The following CNTNAP2 variants were observed in gnomAD, a reference collection of about 807,000 sequenced individuals.
CNTNAP2 encodes contactin-associated protein-like 2.
In CNTNAP2, 98 loss-of-function variants were observed where a neutral mutation model predicts 155.2. That is an observed-to-expected ratio of 0.63 (90% CI 0.54 to 0.75). CNTNAP2 has a LOEUF of 0.75. CNTNAP2 is among the 30% of genes least tolerant of loss of function. The pLI is 0.00. For missense variants in CNTNAP2, 1,727 were observed against 1,688.1 expected (o/e 1.02, Z -0.40); for synonymous variants, 651 against 631.2 (o/e 1.03, Z -0.47).
At chr7:147,545,894 C>T (rs992706315) in intron 11 of CNTNAP2, among the ~76,000 whole-genome samples, 6 of 152,148 alleles carry the variant, frequency 3.9e-5, no homozygotes, top group Non-Finnish European at 7.3e-5. Context: ...ATACTATTCT[C>T]GTGGTAGTGA....
intron 1 of CNTNAP2, among the ~76,000 whole-genome samples, chr7:146,645,644 A>T (rs973692896): frequency 6.6e-6 from 1 of 152,132 alleles, no homozygotes; most frequent in African/African-American, 2.4e-5. Flanking sequence ...CTTGACTGAG[A>T]TATATTTATT....
At chr7:148,111,510 A>G (rs7779177) in intron 15 of CNTNAP2, among the ~76,000 whole-genome samples, 4,890 of 151,864 alleles carry the variant, frequency 0.032, 282 homozygotes, top group East Asian at 0.28. Context: ...ACACAAAGGA[A>G]AAAGATCAAA....
At chr7:147,602,527 T>G (rs982938746) in intron 12 of CNTNAP2, among the ~76,000 whole-genome samples, 4 of 151,724 alleles carry the variant, frequency 2.6e-5, no homozygotes, top group African/African-American at 9.7e-5. Context: ...TTAGGGTACA[T>G]GTGCATAATG....
chr7:147,283,289 G>C (rs1449286937), intron 8 of CNTNAP2, among the ~76,000 whole-genome samples: 1 of 151,528 alleles, frequency 6.6e-6, no homozygotes, highest in African/African-American at 2.4e-5. Context: ...TATGGAAAAA[G>C]TCCATATTAT....
intron 15 of CNTNAP2, among the ~76,000 whole-genome samples, chr7:148,067,256 A>G (rs1391996079): frequency 6.6e-6 from 1 of 152,168 alleles, no homozygotes; most frequent in Non-Finnish European, 1.5e-5. Flanking sequence ...GCTGGGGTTT[A>G]AGTCCTGCTG....
chr7:146,744,026 A>G (rs1801766120), intron 1 of CNTNAP2, among the ~76,000 whole-genome samples: 1 of 152,048 alleles, frequency 6.6e-6, no homozygotes. Flanking sequence ...AAGGAGTTTG[A>G]GACCAGCCTT....
chr7:147,037,998 A>T (rs1440189566), intron 3 of CNTNAP2, among the ~76,000 whole-genome samples: 1 of 152,132 alleles, frequency 6.6e-6, no homozygotes, highest in Admixed American at 6.5e-5. Context: ...TGGATGAAAG[A>T]AGTGGAAAAA....
chr7:147,307,614 T>C (rs1188126992), intron 9 of CNTNAP2, among the ~76,000 whole-genome samples: 1 of 152,028 alleles, frequency 6.6e-6, no homozygotes, highest in East Asian at 1.9e-4. Context: ...GGAAATGCCA[T>C]CAATTAAATA....
chr7:146,351,931 C>T (rs17170053), intron 1 of CNTNAP2, among the ~76,000 whole-genome samples: 35,264 of 152,040 alleles, frequency 0.23, 8,542 homozygotes, highest in African/African-American at 0.62. Flanking sequence ...AACAACATAA[C>T]GTATTTGGAG....
At chr7:147,154,003 T>A (rs980068511) in intron 8 of CNTNAP2, among the ~76,000 whole-genome samples, 3 of 151,992 alleles carry the variant, frequency 2.0e-5, no homozygotes, top group Non-Finnish European at 4.4e-5. Flanking sequence ...GATTGCTCTT[T>A]CAAGAAAGTC....
chr7:147,144,561 A>G (rs1427023647), intron 8 of CNTNAP2, among the ~76,000 whole-genome samples: 2 of 152,122 alleles, frequency 1.3e-5, no homozygotes, highest in African/African-American at 4.8e-5. Flanking sequence ...TCCAAAATCT[A>G]CTGTATCCTA....
chr7:146,440,310 C>T (rs962107874), intron 1 of CNTNAP2, among the ~76,000 whole-genome samples: 4 of 151,438 alleles, frequency 2.6e-5, no homozygotes, highest in African/African-American at 9.8e-5. Flanking sequence ...TCAGTTAAAA[C>T]TTATTTAACC....
At chr7:146,598,673 G>C (rs911934216) in intron 1 of CNTNAP2, among the ~76,000 whole-genome samples, 1 of 151,844 alleles carries the variant, frequency 6.6e-6, no homozygotes, top group Non-Finnish European at 1.5e-5. Context: ...CTGTCTCATT[G>C]GCTGGAACTT....
chr7:146,183,615 T>TAATAAC (rs1466651675), intron 1 of CNTNAP2, among the ~76,000 whole-genome samples: 50 of 149,072 alleles, frequency 3.4e-4, no homozygotes, highest in Middle Eastern at 7.1e-3. Flanking sequence ...CAAATAATAA[T>TAATAAC]AATAATAATA....
chr7:146,209,324 A>G (rs1028478420), intron 1 of CNTNAP2, among the ~76,000 whole-genome samples: 1 of 152,170 alleles, frequency 6.6e-6, no homozygotes, highest in Non-Finnish European at 1.5e-5. Context: ...TGGGCACTGC[A>G]TGCAAAACTT....
chr7:146,729,432 A>G (rs1047707977), intron 1 of CNTNAP2, among the ~76,000 whole-genome samples: 1 of 152,154 alleles, frequency 6.6e-6, no homozygotes, highest in African/African-American at 2.4e-5. Flanking sequence ...TTACTGAAGC[A>G]GTCAGTGCTA....
At chr7:147,318,534 A>C (rs1052504687) in intron 9 of CNTNAP2, among the ~76,000 whole-genome samples, 1 of 152,182 alleles carries the variant, frequency 6.6e-6, no homozygotes, top group Non-Finnish European at 1.5e-5. Context: ...TGTCCTTTGC[A>C]GGGACACAGA....
chr7:146,575,128 G>C (rs1158466881), intron 1 of CNTNAP2, among the ~76,000 whole-genome samples: 1 of 152,128 alleles, frequency 6.6e-6, no homozygotes, highest in African/African-American at 2.4e-5. Context: ...TTACACCCTG[G>C]TATGTCAGAA....
At chr7:146,475,842 A>G (rs1228097435) in intron 1 of CNTNAP2, among the ~76,000 whole-genome samples, 2 of 152,160 alleles carry the variant, frequency 1.3e-5, no homozygotes, top group East Asian at 3.8e-4. Flanking sequence ...AGTTGGAGCT[A>G]ATGATGTTGT....
Sources: allele counts gnomAD v4.1 joint callset (sites outside exome capture counted in the v4.1 genomes callset), GRCh38; gene constraint gnomAD v4.1.1; transcripts MANE v1.5; gene names NCBI Gene and HGNC (gene_info 2026-07-23, HGNC 2026-07-21).